PTPRR: variants seen among roughly 807,000 people sequenced by gnomAD.
PTPRR encodes receptor-type tyrosine-protein phosphatase R.
In PTPRR, 38 loss-of-function variants were observed where a neutral mutation model predicts 77.2. The observed-to-expected ratio is 0.49, with a 90% CI of 0.38 to 0.65. The LOEUF (loss-of-function observed/expected upper bound fraction) is 0.65, where lower values mean the gene tolerates loss of function less well. Ranked by LOEUF, PTPRR falls within the 30% of genes least tolerant of loss-of-function variation. PTPRR has a pLI of 0.00. For missense variants in PTPRR, 744 were observed against 799.2 expected (o/e 0.93, Z 0.83); for synonymous variants, 299 against 283.1 (o/e 1.06, Z -0.57).
intron 6 of PTPRR, among the ~76,000 whole-genome samples, chr12:70,717,079 T>C (rs796277254): frequency 4.1e-4 from 63 of 152,332 alleles, no homozygotes; most frequent in Admixed American, 1.1e-3. Context: ...AGAATATTCT[T>C]TGTTTCTCTA....
intron 2 of PTPRR, among the ~76,000 whole-genome samples, chr12:70,819,356 C>T (rs755140193): frequency 1.5e-4 from 23 of 152,240 alleles, no homozygotes; most frequent in Non-Finnish European, 2.6e-4. Context: ...GACATTGGCT[C>T]ATAGAGGTAT....
intron 10 of PTPRR, among the ~76,000 whole-genome samples, chr12:70,674,772 A>C (rs952136544): frequency 3.5e-4 from 53 of 152,084 alleles, no homozygotes; most frequent in Non-Finnish European, 5.3e-4. Flanking sequence ...GTTATGTATA[A>C]ACTTTTTCTA....
At chr12:70,749,372 A>G (rs1341772897) in intron 5 of PTPRR, among the ~76,000 whole-genome samples, 3 of 152,324 alleles carry the variant, frequency 2.0e-5, no homozygotes, top group African/African-American at 7.2e-5. Context: ...TAAAATTAGG[A>G]AACTAAAACA....
intron 2 of PTPRR, among the ~76,000 whole-genome samples, chr12:70,789,773 A>C (rs1355722044): frequency 6.6e-6 from 1 of 152,194 alleles, no homozygotes; most frequent in Non-Finnish European, 1.5e-5. Context: ...GGAAGGTTAC[A>C]ATAAAACAAT....
chr12:70,791,021 T>G (rs1035359230), intron 2 of PTPRR, among the ~76,000 whole-genome samples: 2 of 152,212 alleles, frequency 1.3e-5, no homozygotes, highest in African/African-American at 4.8e-5. Flanking sequence ...ACATCTATCA[T>G]GGACCAAAGC....
At chr12:70,642,209 G>T (rs1208548910) in intron 13 of PTPRR, among the ~76,000 whole-genome samples, 1 of 151,992 alleles carries the variant, frequency 6.6e-6, no homozygotes, top group Non-Finnish European at 1.5e-5. Context: ...ACTAACTGAC[G>T]GTGTAGATTA....
intron 6 of PTPRR, among the ~76,000 whole-genome samples, chr12:70,709,308 A>C (rs1888735602): frequency 6.6e-6 from 1 of 152,170 alleles, no homozygotes; most frequent in Non-Finnish European, 1.5e-5. Flanking sequence ...GTACTAAAGG[A>C]GCATACCTCA....
chr12:70,784,563 G>A (rs1356923857), intron 2 of PTPRR, among the ~76,000 whole-genome samples: 2 of 152,202 alleles, frequency 1.3e-5, no homozygotes, highest in Non-Finnish European at 2.9e-5. Context: ...TGCTGTTGGG[G>A]GTTCTGTCTG....
At chr12:70,800,630 C>T (rs760950913) in intron 2 of PTPRR, among the ~76,000 whole-genome samples, 1 of 152,066 alleles carries the variant, frequency 6.6e-6, no homozygotes, top group African/African-American at 2.4e-5. Flanking sequence ...CATGGTGGCT[C>T]ATGCCTGTAA....
chr12:70,865,653 G>A (rs929243096), intron 2 of PTPRR, among the ~76,000 whole-genome samples: 1 of 152,122 alleles, frequency 6.6e-6, no homozygotes, highest in Non-Finnish European at 1.5e-5. Flanking sequence ...TTAACTCAAA[G>A]TTTTCTAATA....
chr12:70,792,727 AT>A (rs1487697230), intron 2 of PTPRR, among the ~76,000 whole-genome samples: 1 of 152,138 alleles, frequency 6.6e-6, no homozygotes, highest in Non-Finnish European at 1.5e-5. Flanking sequence ...TGGAAAATGC[AT>A]ATTATGAAAA....
intron 2 of PTPRR, among the ~76,000 whole-genome samples, chr12:70,864,701 T>A (rs1892810383): frequency 6.6e-6 from 1 of 152,198 alleles, no homozygotes; most frequent in Non-Finnish European, 1.5e-5. Context: ...GCTCCCATAA[T>A]TACCATGTGT....
rs116447852 is a variant in PTPRR at position 70,745,019 on chromosome 12, C to T, written c.1007+799G>A. Among the ~76,000 whole-genome samples the T allele has an allele frequency of 3.8e-3, 585 of 152,174 alleles. 6 individuals are homozygous for T. Among genetic ancestry groups the T allele is most frequent in the African/African-American group, 0.013 (548 of 41,524 alleles). On this transcript the variant is annotated intron_variant, in intron 6 of 13. Transcript: ENST00000283228. Reference sequence around the variant, plus strand: ...AAATGTATTGGTATAAAGTGAATCACATGTATAATACATCACAAAAAAGGT... The same window carrying T: ...AAATGTATTGGTATAAAGTGAATCATATGTATAATACATCACAAAAAAGGT...
At chr12:70,780,117 G>C (rs867398372) in intron 2 of PTPRR, among the ~76,000 whole-genome samples, 3 of 151,900 alleles carry the variant, frequency 2.0e-5, no homozygotes, top group African/African-American at 7.3e-5. Flanking sequence ...TCAGCCTCCC[G>C]AGTAGATGGG....
Position 70,916,855 on chromosome 12 carries a change from C to T in PTPRR, c.58+3478G>A, listed in dbSNP as rs542499337. ...AGATACATTGAAGGCAGTCTTTGTG[C>T]CATTCAAAAAGGCTGATAGCAAGAA... On this transcript the variant is annotated intron_variant, in intron 1 of 13. Transcript: ENST00000283228. 5.3e-5 allele frequency among the ~76,000 whole-genome samples: 8 copies of T among 152,208 alleles called. No homozygotes were observed. In the South Asian group the frequency reaches 1.5e-3, roughly 28 times the overall value.
chr12:70,847,074 T>C (rs1892497284), intron 2 of PTPRR, among the ~76,000 whole-genome samples: 1 of 152,166 alleles, frequency 6.6e-6, no homozygotes, highest in African/African-American at 2.4e-5. Context: ...AGACTAACTT[T>C]CCTGCTTTGA....
At chr12:70,868,298 G>A (rs1431351592) in intron 2 of PTPRR, among the ~76,000 whole-genome samples, 1 of 151,450 alleles carries the variant, frequency 6.6e-6, no homozygotes, top group Non-Finnish European at 1.5e-5. Flanking sequence ...TCTGACAAAG[G>A]GCTAATATCC....
chr12:70,854,701 T>A (rs2137072763), intron 2 of PTPRR, among the ~76,000 whole-genome samples: 1 of 152,360 alleles, frequency 6.6e-6, no homozygotes, highest in Non-Finnish European at 1.5e-5. Flanking sequence ...TGGGTCTGAA[T>A]CTAGCTCTGC....
chr12:70,892,039 C>T (rs1893346696), intron 2 of PTPRR, among the ~76,000 whole-genome samples: 1 of 152,018 alleles, frequency 6.6e-6, no homozygotes, highest in Admixed American at 6.6e-5. Context: ...ATAACCTCCA[C>T]AATTTGGAAA....
Sources: gnomAD v4.1 joint callset for allele counts (sites outside exome capture counted in the v4.1 genomes callset) on GRCh38, gnomAD v4.1.1 for gene constraint, MANE v1.5 for transcripts, NCBI Gene and HGNC (gene_info 2026-07-23, HGNC 2026-07-21) for gene names.